The following ADGRV1 variants were observed in gnomAD, a reference collection of about 807,000 sequenced individuals.
ADGRV1 encodes G-protein coupled receptor 98.
A neutral mutation model predicts 596.2 loss-of-function variants in ADGRV1; 359 were observed. The observed-to-expected ratio is 0.60, with a 90% confidence interval of 0.55 to 0.66. The LOEUF is 0.66. Ranked by LOEUF, ADGRV1 falls within the 30% of genes least tolerant of loss-of-function variation. ADGRV1 has a pLI of 0.00. For synonymous variants in ADGRV1, 2,681 were observed against 2,679.2 expected, an observed-to-expected ratio of 1.00 and a Z score of -0.02; for missense variants, 7,274 against 7,575.6, an observed-to-expected ratio of 0.96 and a Z score of 1.48.
chr5:90,643,036 C>T lies in ADGRV1; in HGVS notation c.2548C>T (p.Pro850Ser). 1.9e-6 allele frequency: 3 copies of T among 1,610,848 alleles called. No homozygotes were observed. The highest frequency in any genetic ancestry group is 3.3e-4 in the Middle Eastern group (2 of 6,058). Residue 850 changes from proline (P) to serine (S), a missense_variant, in exon 13 of 90, where the codon CCA becomes TCA. By Grantham distance (74) the Pro-to-Ser change is moderately conservative (BLOSUM62 -1). Around this residue, in one of 5 missense-constraint regions of ADGRV1, gnomAD observed 1,715 missense variants for 1,708.8 expected, o/e 1.00. Coordinates refer to ENST00000405460, the MANE Select transcript of ADGRV1 (RefSeq NM_032119.4). ...ITLLARLDGIPELDEHYWVVL... is the reference protein window; with the variant it reads ...ITLLARLDGISELDEHYWVVL... Reference sequence around the variant, plus strand: ...CTTGCTAGCAAGATTGGATGGGATACCAGAGGTATGGGATTTTATATTTTC... The same window carrying T: ...CTTGCTAGCAAGATTGGATGGGATATCAGAGGTATGGGATTTTATATTTTC...
At chr5:90,816,351 TA>T (rs1457523142) in intron 75 of ADGRV1, among the ~76,000 whole-genome samples, 2 of 151,234 alleles carry the variant, frequency 1.3e-5, no homozygotes, top group Admixed American at 6.6e-5. Context: ...TAGAAAAATA[TA>T]TTTTTTTAAT....
intron 51 of ADGRV1, 23 bp downstream of exon 51, chr5:90,745,288 A>T (rs776742245): frequency 1.7e-5 from 24 of 1,448,382 alleles, no homozygotes; most frequent in Non-Finnish European, 2.3e-5. Context: ...TTTTTTGCTA[A>T]GTATCTTTAT....
intron 86 of ADGRV1, among the ~76,000 whole-genome samples, chr5:91,084,565 A>G (rs533980589): frequency 6.6e-6 from 1 of 152,344 alleles, no homozygotes; most frequent in African/African-American, 2.4e-5. Context: ...CGATCATTAA[A>G]AAGTCAGGAA....
At chr5:90,918,803 A>G (rs1456095393) in intron 83 of ADGRV1, among the ~76,000 whole-genome samples, 4 of 152,196 alleles carry the variant, frequency 2.6e-5, no homozygotes, top group Non-Finnish European at 5.9e-5. Context: ...TACTACAACC[A>G]AGGCCTCCCT....
Position 90,863,833 on chromosome 5 carries a change from G to T in ADGRV1, c.17832G>T (p.Met5944Ile), listed in dbSNP as rs764231534. The change falls in exon 83 of 90, where the codon ATG becomes ATT. Residue 5944 changes from methionine (M) to isoleucine (I), a missense_variant. Physicochemically the swap from Met to Ile is conservative, Grantham distance 10. Around this residue, in one of 5 missense-constraint regions of ADGRV1, gnomAD observed 1,874 missense variants for 1,970.2 expected, o/e 0.95. Coordinates refer to ENST00000405460, the MANE Select transcript of ADGRV1 (RefSeq NM_032119.4). The part of the protein sequence containing the change: ...SMFAAKLLTH[M>I]MAASLGTQIL... Reference sequence around the variant, plus strand: ...TTGCAGCTAAACTTCTGACTCACATGATGGCAGCCAGCTTAGGTACACAGG... The same window carrying T: ...TTGCAGCTAAACTTCTGACTCACATTATGGCAGCCAGCTTAGGTACACAGG... 44 of 1,613,018 alleles carry T rather than the reference G, an allele frequency of 2.7e-5. No individual in the cohort carries two copies. The South Asian group carries it at 4.7e-4, about 17-fold the overall frequency.
At chr5:91,037,507 T>C (rs1200708556) in intron 85 of ADGRV1, among the ~76,000 whole-genome samples, 2 of 152,102 alleles carry the variant, frequency 1.3e-5, no homozygotes, top group Admixed American at 6.6e-5. Flanking sequence ...AAGTTAGTTA[T>C]GTGGATGGAA....
At chr5:91,045,047 C>T (rs574780712) in intron 85 of ADGRV1, among the ~76,000 whole-genome samples, 1 of 152,194 alleles carries the variant, frequency 6.6e-6, no homozygotes, top group South Asian at 2.1e-4. Context: ...GAGAAGAGAA[C>T]ATTCCATGCA....
At chr5:90,843,035 T>C (rs1765568648) in intron 78 of ADGRV1, among the ~76,000 whole-genome samples, 1 of 152,158 alleles carries the variant, frequency 6.6e-6, no homozygotes, top group African/African-American at 2.4e-5. Flanking sequence ...AATTCATACC[T>C]TGTTCTGCAA....
chr5:91,084,556 G>A (rs533845866), intron 86 of ADGRV1, among the ~76,000 whole-genome samples: 4 of 152,150 alleles, frequency 2.6e-5, no homozygotes, highest in South Asian at 2.1e-4. Flanking sequence ...TTAGAATGGC[G>A]ATCATTAAAA....
chr5:90,653,721 T>A lies in ADGRV1; in HGVS notation c.4147T>A (p.Tyr1383Asn). The change falls in exon 20 of 90, where the codon TAC (tyrosine) becomes AAC (asparagine). Residue 1383 changes from tyrosine to asparagine, a missense_variant. Around this residue, in one of 5 missense-constraint regions of ADGRV1, gnomAD observed 1,715 missense variants for 1,708.8 expected, o/e 1.00. Transcript: ENST00000405460. ...GGATGACGGTAATGGAAGCATCTAC[T>A]ACGGGGTAAAAATACAAACAAACGA... The part of the protein sequence containing the change: ...AKDDGNGSIY[Y>N]GVKIQTNESH... 3.1e-6 allele frequency: 5 copies of A among 1,613,126 alleles called. No homozygotes were observed. The highest frequency in any genetic ancestry group is 4.2e-6 in the Non-Finnish European group (5 of 1,179,510).
At chr5:90,589,299 A>G (rs1759174187) in intron 1 of ADGRV1, among the ~76,000 whole-genome samples, 3 of 152,186 alleles carry the variant, frequency 2.0e-5, no homozygotes, top group Admixed American at 6.5e-5. Flanking sequence ...TCAAGAGATG[A>G]AAGATACCAT....
At chr5:90,641,661 T>C (rs762456570) in intron 11 of ADGRV1, among the ~76,000 whole-genome samples, 66 of 152,318 alleles carry the variant, frequency 4.3e-4, no homozygotes, top group Non-Finnish European at 7.8e-4. Flanking sequence ...ATTCAGATTC[T>C]CTGTTAAATA....
chr5:90,731,818 G>T (rs2030273), intron 50 of ADGRV1, among the ~76,000 whole-genome samples: 114,130 of 152,138 alleles, frequency 0.75, 43,240 homozygotes, highest in African/African-American at 0.84. Context: ...ACTGAGAAAT[G>T]TTAAAGTCAT....
intron 89 of ADGRV1, among the ~76,000 whole-genome samples, chr5:91,159,494 C>A (rs1796764207): frequency 6.6e-6 from 1 of 152,144 alleles, no homozygotes; most frequent in African/African-American, 2.4e-5. Context: ...AACCATATTA[C>A]ATTTTTAAAA....
At position 90,674,078 on chromosome 5, in the gene ADGRV1, G is replaced by A; in HGVS notation, c.4954G>A (p.Asp1652Asn). 1 of 1,611,972 alleles carries A rather than the reference G, an allele frequency of 6.2e-7. No individual in the cohort carries two copies. Among genetic ancestry groups the A allele is most frequent in the Non-Finnish European group, 8.5e-7 (1 of 1,178,408 alleles). The stretch of plus-strand genomic sequence containing the variant: ...GGTTCTGAATATATATGTTCTTGAT[G>A]ATGATATTCCTGAACTTAATGAGTA... Reference protein sequence around the residue: ...SEVLNIYVLDDDIPELNEYFR... With the variant: ...SEVLNIYVLDNDIPELNEYFR... Residue 1652 changes from aspartate (D) to asparagine (N), a missense_variant, in exon 23 of 90, where the codon GAT becomes AAT. Asp to Asn is a conservative substitution (Grantham distance 23). Coordinates refer to ENST00000405460, the MANE Select transcript of ADGRV1 (RefSeq NM_032119.4).
intron 84 of ADGRV1, among the ~76,000 whole-genome samples, chr5:90,976,332 ATATATATATATATATATG>A (rs1779604982): frequency 6.9e-6 from 1 of 144,900 alleles, no homozygotes; most frequent in Non-Finnish European, 1.5e-5. Flanking sequence ...GTATATATAT[ATATATATATATATATATG>A]TATATGTATA....
intron 79 of ADGRV1, among the ~76,000 whole-genome samples, chr5:90,849,849 G>A (rs1397676695): frequency 3.3e-5 from 5 of 152,266 alleles, no homozygotes; most frequent in South Asian, 2.1e-4. Flanking sequence ...GAACAATATC[G>A]ATTGCCTTTG....
At position 90,783,226 on chromosome 5, in the gene ADGRV1, C is replaced by G. The variant is rs764248881; in HGVS notation, c.13334C>G (p.Pro4445Arg). The change falls in exon 66 of 90, where the codon CCC (proline) becomes CGC (arginine). Residue 4445 changes from proline (P) to arginine (R), a missense_variant. Pro to Arg is a moderately radical substitution (Grantham distance 103). Transcript: ENST00000405460. ...ATCTCTCAGAGCTCCTCTGCCAGTC[C>G]CGGAGGTGTTGATTACATTTTGCAT... is the stretch of plus-strand genomic sequence containing the variant. ...DFISQSSSAS[P>R]GGVDYILHGS... 2 of 1,613,530 alleles carry G rather than the reference C, an allele frequency of 1.2e-6. No individual in the cohort carries two copies. Among genetic ancestry groups the G allele is most frequent in the East Asian group, 4.5e-5 (2 of 44,876 alleles).
intron 83 of ADGRV1, among the ~76,000 whole-genome samples, chr5:90,920,010 A>AG (rs1561940408): frequency 1.3e-5 from 2 of 152,034 alleles, no homozygotes; most frequent in East Asian, 3.9e-4. Flanking sequence ...AAAAAAAAAA[A>AG]AAAAAGAAAA....
Sources: gnomAD v4.1 joint callset for allele counts (sites outside exome capture counted in the v4.1 genomes callset) on GRCh38, gnomAD v4.1.1 for gene constraint, gnomAD v4.1.1 regional missense constraint, MANE v1.5 for transcripts, NCBI Gene and HGNC (gene_info 2026-07-23, HGNC 2026-07-21) for gene names.